The following CHRM2 variants were observed in gnomAD, a reference collection of about 807,000 sequenced individuals.
The protein encoded by CHRM2 is muscarinic acetylcholine receptor M2.
In CHRM2, 8 loss-of-function variants were observed where a neutral mutation model predicts 25.0. The ratio of observed to expected loss-of-function variants is 0.32; its 90% confidence interval spans 0.19 to 0.58. The LOEUF is 0.58. CHRM2 is among the 20% of genes least tolerant of loss of function. CHRM2 has a pLI of 0.88. For synonymous variants in CHRM2, 202 were observed against 205.7 expected (o/e 0.98, Z 0.15); for missense variants, 440 against 567.1 (o/e 0.78, Z 2.28).
At chr7:136,949,580 A>G (rs566488178) in intron 2 of CHRM2, among the ~76,000 whole-genome samples, 12 of 152,014 alleles carry the variant, frequency 7.9e-5, no homozygotes, top group Admixed American at 7.9e-4. Context: ...ATAAGTTATG[A>G]TTGTGCCACT....
At chr7:136,981,348 T>C (rs1325328409) in intron 2 of CHRM2, among the ~76,000 whole-genome samples, 8 of 152,178 alleles carry the variant, frequency 5.3e-5, no homozygotes, top group Non-Finnish European at 1.2e-4. Flanking sequence ...TGTTTATTAG[T>C]CTGGCTAGCA....
chr7:136,879,946 A>G (rs1035161479), intron 2 of CHRM2, among the ~76,000 whole-genome samples: 1 of 151,706 alleles, frequency 6.6e-6, no homozygotes, highest in South Asian at 2.1e-4. Context: ...GTTTTCATGG[A>G]AAAAAAACAA....
At chr7:136,958,501 G>A (rs1273773067) in intron 2 of CHRM2, among the ~76,000 whole-genome samples, 2 of 137,002 alleles carry the variant, frequency 1.5e-5, no homozygotes, top group African/African-American at 5.6e-5. Flanking sequence ...TGTTGCCCAG[G>A]CTGGAGTGCA....
chr7:136,978,068 G>C (rs548315148), intron 2 of CHRM2, among the ~76,000 whole-genome samples: 1 of 151,924 alleles, frequency 6.6e-6, no homozygotes, highest in African/African-American at 2.4e-5. Context: ...TACTAGAGAG[G>C]GGGTGGAGGA....
chr7:136,984,495 A>T (rs1226385759), intron 2 of CHRM2, among the ~76,000 whole-genome samples: 1 of 151,986 alleles, frequency 6.6e-6, no homozygotes, highest in Non-Finnish European at 1.5e-5. Flanking sequence ...TAAGAAAAAA[A>T]AAAACTTCTG....
At chr7:136,878,237 G>A (rs1490189550) in intron 2 of CHRM2, among the ~76,000 whole-genome samples, 1 of 151,954 alleles carries the variant, frequency 6.6e-6, no homozygotes. Context: ...GCCAAAGCAT[G>A]TTTCCCAGAT....
Position 137,015,426 on chromosome 7 carries a change from C to T in CHRM2, c.561C>T (p.Thr187=), listed in dbSNP as rs752440432. The change falls in exon 4 of 4, where the codon ACC becomes ACT. Residue 187 remains threonine (T), a synonymous_variant. Transcript: ENST00000680005. This position sits in a 1 kb window ranked among gnomAD's most constrained non-coding sequence, Gnocchi z 5.1. ...YIQFFSNAAV[T]FGTAIAAFYL... is the part of the protein sequence containing the mutation. ...AGTTTTTTTCCAATGCTGCTGTCAC[C>T]TTTGGTACGGCTATTGCAGCCTTCT... 2 of 1,613,426 alleles carry T rather than the reference C, an allele frequency of 1.2e-6. No individual in the cohort carries two copies. Among genetic ancestry groups the T allele is most frequent in the South Asian group, 1.1e-5 (1 of 91,074 alleles).
chr7:136,992,655 A>G (rs1244095531), intron 3 of CHRM2, among the ~76,000 whole-genome samples: 1 of 152,178 alleles, frequency 6.6e-6, no homozygotes, highest in African/African-American at 2.4e-5. Context: ...ATATTTTAGT[A>G]TTTGCAAATT....
intron 2 of CHRM2, among the ~76,000 whole-genome samples, chr7:136,966,077 G>C (rs1035289888): frequency 2.0e-5 from 3 of 151,804 alleles, no homozygotes; most frequent in Non-Finnish European, 4.4e-5. Flanking sequence ...GAAGAATACT[G>C]TAAACTAGAA....
intron 2 of CHRM2, among the ~76,000 whole-genome samples, chr7:136,935,219 G>T (rs1317994599): frequency 6.6e-6 from 1 of 151,946 alleles, no homozygotes; most frequent in African/African-American, 2.4e-5. Context: ...TGTTCAGGGG[G>T]GTAAACACAT....
intron 2 of CHRM2, among the ~76,000 whole-genome samples, chr7:136,920,078 T>G (rs1379963776): frequency 6.6e-6 from 1 of 151,700 alleles, no homozygotes; most frequent in Non-Finnish European, 1.5e-5. Flanking sequence ...CAATCTTATA[T>G]GGTGACATTT....
At chr7:137,006,967 G>A (rs1362570897) in intron 3 of CHRM2, among the ~76,000 whole-genome samples, 1 of 152,066 alleles carries the variant, frequency 6.6e-6, no homozygotes, top group Non-Finnish European at 1.5e-5. Flanking sequence ...ATGTACTGAA[G>A]CAGAAACCCA....
chr7:136,874,438 G>A (rs1795964671), intron 2 of CHRM2, among the ~76,000 whole-genome samples: 1 of 151,644 alleles, frequency 6.6e-6, no homozygotes, highest in Non-Finnish European at 1.5e-5. Context: ...CTGTTACCAT[G>A]GTAATGTTTC....
intron 2 of CHRM2, among the ~76,000 whole-genome samples, chr7:136,956,119 A>G (rs2130872937): frequency 1.3e-5 from 2 of 152,308 alleles, no homozygotes; most frequent in African/African-American, 4.8e-5. Context: ...AGATACTATA[A>G]TTGTATCATA....
chr7:136,950,783 CTGTTGTTGTTGT>C (rs200954535), intron 2 of CHRM2, among the ~76,000 whole-genome samples: 5 of 149,784 alleles, frequency 3.3e-5, no homozygotes, highest in Admixed American at 1.3e-4. Context: ...AACCCCCAAC[CTGTTGTTGTTGT>C]TGTTGTTGTT....
chr7:136,937,714 T>C (rs1012338363), intron 2 of CHRM2, among the ~76,000 whole-genome samples: 15 of 152,196 alleles, frequency 9.9e-5, no homozygotes, highest in African/African-American at 3.6e-4. Context: ...TGGAGAAATA[T>C]AAAGAATTTT....
intron 3 of CHRM2, among the ~76,000 whole-genome samples, chr7:137,003,760 A>C (rs1804230093): frequency 6.6e-6 from 1 of 152,140 alleles, no homozygotes; most frequent in Non-Finnish European, 1.5e-5. Context: ...GTTCCCACCC[A>C]AACCTCATTT....
chr7:136,979,276 G>C (rs1400940320), intron 2 of CHRM2, among the ~76,000 whole-genome samples: 1 of 152,072 alleles, frequency 6.6e-6, no homozygotes, highest in East Asian at 1.9e-4. Flanking sequence ...GATATCCTTT[G>C]CCCACTTTCT....
chr7:136,995,575 C>T (rs2131037335), intron 3 of CHRM2, among the ~76,000 whole-genome samples: 1 of 152,158 alleles, frequency 6.6e-6, no homozygotes, highest in East Asian at 1.9e-4. Context: ...CCAGCCTGGA[C>T]AATATAGGGA....
Sources: gnomAD v4.1 joint callset for allele counts (sites outside exome capture counted in the v4.1 genomes callset) on GRCh38, gnomAD v4.1.1 for gene constraint, Gnocchi (gnomAD v3.1) non-coding constraint, MANE v1.5 for transcripts, NCBI Gene and HGNC (gene_info 2026-07-23, HGNC 2026-07-21) for gene names.